The following KLHL7 variants were observed in gnomAD, a reference collection of about 807,000 sequenced individuals.
KLHL7 encodes kelch-like protein 7.
Under a neutral mutation model 67.4 loss-of-function variants are expected in KLHL7, and 44 were observed. That is an observed-to-expected ratio of 0.65 (90% CI 0.51 to 0.84). The LOEUF is 0.84. KLHL7 is among the 40% of genes least tolerant of loss of function. KLHL7 has a pLI of 0.00. For synonymous variants in KLHL7, 252 were observed against 243.3 expected (o/e 1.04, Z -0.33); for missense variants, 362 against 718.1 (o/e 0.50, Z 5.67).
chr7:23,156,653 T>A (rs1485252372), intron 7 of KLHL7, among the ~76,000 whole-genome samples: 1 of 152,154 alleles, frequency 6.6e-6, no homozygotes, highest in Non-Finnish European at 1.5e-5. Context: ...AACAATAAAC[T>A]AGTAGTAAGA....
intron 9 of KLHL7, among the ~76,000 whole-genome samples, chr7:23,170,531 A>G (rs1212067858): frequency 6.6e-6 from 1 of 152,238 alleles, no homozygotes; most frequent in Non-Finnish European, 1.5e-5. Flanking sequence ...ATAGTTAACA[A>G]TAATTTATTG....
intron 4 of KLHL7, chr7:23,126,021 T>C (rs776123190): frequency 2.1e-5 from 15 of 706,896 alleles, no homozygotes; most frequent in African/African-American, 1.6e-4. Flanking sequence ...TTAACAACAA[T>C]AATAATAAAA....
intron 4 of KLHL7, among the ~76,000 whole-genome samples, chr7:23,128,135 G>GA (rs5882884): frequency 0.46 from 61,744 of 134,086 alleles, 14,352 homozygotes; most frequent in African/African-American, 0.65. Flanking sequence ...TCTGTCTCAA[G>GA]AAAAAAAAAA....
chr7:23,172,053 G>A (rs770400695), intron 9 of KLHL7: 28 of 422,798 alleles, frequency 6.6e-5, no homozygotes, highest in Non-Finnish European at 9.8e-5. Context: ...AATAATTATA[G>A]AGAGTTACTC....
intron 7 of KLHL7, among the ~76,000 whole-genome samples, chr7:23,153,408 C>A (rs1289828012): frequency 6.6e-6 from 1 of 152,142 alleles, no homozygotes; most frequent in Non-Finnish European, 1.5e-5. Flanking sequence ...TGTCATTAGT[C>A]TATTTGGGTA....
At chr7:23,122,372 C>G (rs546226850) in intron 1 of KLHL7, among the ~76,000 whole-genome samples, 54 of 152,200 alleles carry the variant, frequency 3.5e-4, no homozygotes, top group African/African-American at 1.2e-3. Flanking sequence ...CTCCTTCTCT[C>G]CCTCCTTTGA....
rs1429713465 is a variant in KLHL7, at chr7:23,105,979, C to T, written c.-48C>T. The T allele has an allele frequency of 1.3e-6, 2 of 1,592,848 alleles. No homozygotes were observed. Among genetic ancestry groups the T allele is most frequent in the South Asian group, 2.3e-5 (2 of 87,766 alleles). ...CCCCAGTGTGCCCAGAGAGTGCGAC[C>T]CCTCGCCCGGCCCGGCGAGCCCCGG... is the stretch of plus-strand genomic sequence containing the variant. On this transcript the variant is annotated 5_prime_UTR_variant, in exon 1 of 11. Transcript: ENST00000339077.
intron 4 of KLHL7, among the ~76,000 whole-genome samples, chr7:23,127,123 A>T (rs548266435): frequency 6.6e-6 from 1 of 152,222 alleles, no homozygotes; most frequent in Non-Finnish European, 1.5e-5. Context: ...TTTGGAAATG[A>T]TGGCTTATGT....
chr7:23,155,972 AT>A (rs760196666), intron 7 of KLHL7: 195 of 431,188 alleles, frequency 4.5e-4, no homozygotes, highest in Admixed American at 8.5e-4. Context: ...TCTTTCCTTG[AT>A]TTTTTTTTAT....
intron 7 of KLHL7, among the ~76,000 whole-genome samples, chr7:23,165,095 G>T (rs1365944998): frequency 6.6e-6 from 1 of 152,216 alleles, no homozygotes; most frequent in Non-Finnish European, 1.5e-5. Flanking sequence ...TCATTGGGGT[G>T]AAAAGTGAGT....
chr7:23,114,316 C>T (rs764534), intron 1 of KLHL7, among the ~76,000 whole-genome samples: 53,819 of 152,088 alleles, frequency 0.35, 9,800 homozygotes, highest in African/African-American at 0.4. Context: ...TAAAGTTTGG[C>T]TTATCAAGCA....
At chr7:23,141,477 T>G (rs765456892) in intron 5 of KLHL7, among the ~76,000 whole-genome samples, 11 of 152,246 alleles carry the variant, frequency 7.2e-5, no homozygotes, top group Non-Finnish European at 1.5e-4. Flanking sequence ...CTGTAGAGTC[T>G]CCAGGCAGAC....
At chr7:23,164,327 A>G (rs1169572951) in intron 7 of KLHL7, among the ~76,000 whole-genome samples, 1 of 152,228 alleles carries the variant, frequency 6.6e-6, no homozygotes, top group Non-Finnish European at 1.5e-5. Flanking sequence ...ATTCTCTGCT[A>G]CATAAACCTG....
chr7:23,134,250 T>C (rs1367336908), intron 4 of KLHL7, among the ~76,000 whole-genome samples: 2 of 152,222 alleles, frequency 1.3e-5, no homozygotes, highest in Admixed American at 6.5e-5. Context: ...CTGTATCACA[T>C]TGATTGATTC....
intron 2 of KLHL7, 125 bp downstream of exon 2, chr7:23,124,004 G>A: frequency 1.4e-6 from 1 of 724,334 alleles, no homozygotes; most frequent in Admixed American, 2.3e-5. Context: ...GAACAGTGAA[G>A]AGATTGAAAA....
In KLHL7 at chr7:23,126,174, A is replaced by C. The variant is rs1477329003; in HGVS notation, c.442+1002A>C. 5 of 383,154 alleles carry C rather than the reference A, an allele frequency of 1.3e-5. No homozygotes were observed. The East Asian group carries it at 3.0e-4, about 23-fold the overall frequency. 23.7% of individuals were successfully genotyped at this position (383,154 alleles called of 1,614,324 possible). On this transcript the variant is annotated intron_variant, in intron 4 of 10. Transcript: ENST00000339077. ...CAGGATGGTTTCTTAAGTGACAGGCAGGTAGGTTATACAGCATGGATATGC... is the reference window on the plus strand; with the variant it reads ...CAGGATGGTTTCTTAAGTGACAGGCCGGTAGGTTATACAGCATGGATATGC...
chr7:23,119,904 C>A (rs6971673), intron 1 of KLHL7, among the ~76,000 whole-genome samples: 5 of 151,930 alleles, frequency 3.3e-5, no homozygotes, highest in Admixed American at 2.0e-4. Context: ...ATAAGTGTAA[C>A]TTGATTTATC....
At chr7:23,118,087 A>G in intron 1 of KLHL7, 1 of 1,223,142 alleles carries the variant, frequency 8.2e-7, no homozygotes, top group Middle Eastern at 1.9e-4. Context: ...ACAGTGCTTT[A>G]GCACTTACAT....
chr7:23,118,750 CTT>C (rs763019318), intron 1 of KLHL7, among the ~76,000 whole-genome samples: 60 of 151,182 alleles, frequency 4.0e-4, no homozygotes, highest in Non-Finnish European at 7.8e-4. Flanking sequence ...ATTTCCTAGA[CTT>C]TTTTTTTAAG....
Sources: allele counts gnomAD v4.1 joint callset (sites outside exome capture counted in the v4.1 genomes callset), GRCh38; gene constraint gnomAD v4.1.1; transcripts MANE v1.5; gene names NCBI Gene and HGNC (gene_info 2026-07-23, HGNC 2026-07-21).